INPP5B: variants seen among roughly 807,000 people sequenced by gnomAD.
INPP5B encodes type II inositol 1,4,5-trisphosphate 5-phosphatase.
In INPP5B, 90 loss-of-function variants were observed where a neutral mutation model predicts 118.5. That is an observed-to-expected ratio of 0.76 (90% CI 0.64 to 0.90). The LOEUF (loss-of-function observed/expected upper bound fraction) is 0.90, where lower values mean the gene tolerates loss of function less well. INPP5B is among the 40% of genes least tolerant of loss of function. INPP5B has a pLI of 0.00. For synonymous variants in INPP5B, 385 were observed against 418.9 expected, an observed-to-expected ratio of 0.92 and a Z score of 0.99; for missense variants, 984 against 1,125.6, an observed-to-expected ratio of 0.87 and a Z score of 1.80.
intron 7 of INPP5B, among the ~76,000 whole-genome samples, chr1:37,900,573 T>A (rs908753225): frequency 6.6e-6 from 1 of 151,390 alleles, no homozygotes; most frequent in Non-Finnish European, 1.5e-5. Context: ...CAACTGGAAG[T>A]TTGTCTGGTG....
chr1:37,941,764 C>T (rs1271776036), intron 5 of INPP5B, among the ~76,000 whole-genome samples: 1 of 143,848 alleles, frequency 7.0e-6, no homozygotes, highest in African/African-American at 2.6e-5. Context: ...CGGTGAAACC[C>T]CGTCTCTACT....
chr1:37,946,020 A>T (rs1230873321), intron 2 of INPP5B, among the ~76,000 whole-genome samples, 170 bp from the exon 3 acceptor site: 1 of 152,224 alleles, frequency 6.6e-6, no homozygotes, highest in Non-Finnish European at 1.5e-5. Context: ...AGCCTTCCTT[A>T]TCTATGAAAT....
At chr1:37,879,639 T>A (rs558679408) in intron 15 of INPP5B, among the ~76,000 whole-genome samples, 1 of 152,052 alleles carries the variant, frequency 6.6e-6, no homozygotes, top group East Asian at 1.9e-4. Flanking sequence ...ATGCCTGTAA[T>A]CCTAGCTACT....
At chr1:37,899,039 G>C (rs1644229610) in intron 7 of INPP5B, among the ~76,000 whole-genome samples, 1 of 151,824 alleles carries the variant, frequency 6.6e-6, no homozygotes, top group Non-Finnish European at 1.5e-5. Context: ...AAATTAGCCA[G>C]GTGTGGTGGC....
At chr1:37,924,796 G>A (rs914999328) in intron 7 of INPP5B, among the ~76,000 whole-genome samples, 1 of 152,142 alleles carries the variant, frequency 6.6e-6, no homozygotes, top group African/African-American at 2.4e-5. Flanking sequence ...CAGCACTTTG[G>A]GAGGCCAAGG....
chr1:37,886,273 T>A (rs1254969209), intron 12 of INPP5B, among the ~76,000 whole-genome samples: 1 of 147,880 alleles, frequency 6.8e-6, no homozygotes, highest in African/African-American at 2.5e-5. Flanking sequence ...TTGTACAGAT[T>A]AAAAAAAAAA....
intron 7 of INPP5B, among the ~76,000 whole-genome samples, chr1:37,921,279 T>C (rs1225305367): frequency 6.6e-6 from 1 of 152,126 alleles, no homozygotes; most frequent in Non-Finnish European, 1.5e-5. Flanking sequence ...CATGTAGAGT[T>C]TGGATTTTAC....
At chr1:37,886,143 C>T (rs144331777) in intron 12 of INPP5B, among the ~76,000 whole-genome samples, 2 of 152,062 alleles carry the variant, frequency 1.3e-5, no homozygotes, top group African/African-American at 4.8e-5. Flanking sequence ...CGCCACTGCA[C>T]TCCAGCCTGG....
At chr1:37,887,603 AGCCAAGGAACTAAAT>A (rs1336446873) in intron 10 of INPP5B, 138 bp from the exon 11 acceptor site, 5 of 578,878 alleles carry the variant, frequency 8.6e-6, no homozygotes, top group African/African-American at 1.9e-5. Flanking sequence ...AAACATTTAG[AGCCAAGGAACTAAAT>A]GCCAAGGAAC....
rs544471321 is a variant in INPP5B at position 37,934,562 on chromosome 1, A to G, written c.392-2509T>C. 6.0e-4 allele frequency among the ~76,000 whole-genome samples: 91 copies of G among 152,288 alleles called. 2 individuals are homozygous for G. The South Asian group carries it at 0.014, about 24-fold the overall frequency. On this transcript the variant is annotated intron_variant, in intron 6 of 23. Transcript: ENST00000373024. ...AAAAAACCTAGTTCCTTTTGCCTCT[A>G]GTGCCTCTAGTAAAATGAAAGAGTT...
chr1:37,910,293 G>C (rs1396692271), intron 7 of INPP5B, among the ~76,000 whole-genome samples: 1 of 152,064 alleles, frequency 6.6e-6, no homozygotes, highest in African/African-American at 2.4e-5. Context: ...AACTGTTGTG[G>C]GTATTGACAG....
intron 18 of INPP5B, chr1:37,873,429 C>A: frequency 2.2e-6 from 1 of 460,804 alleles, no homozygotes; most frequent in Non-Finnish European, 3.9e-6. Flanking sequence ...GAGCACAGCT[C>A]AAGCTAGAAA....
At chr1:37,897,741 GATA>G (rs919279754) in intron 7 of INPP5B, among the ~76,000 whole-genome samples, 55 of 149,676 alleles carry the variant, frequency 3.7e-4, no homozygotes, top group Admixed American at 1.5e-3. Flanking sequence ...TAAAAATAAT[GATA>G]ATAATAATAA....
At chr1:37,927,873 A>G (rs1557709359) in intron 7 of INPP5B, among the ~76,000 whole-genome samples, 1 of 152,128 alleles carries the variant, frequency 6.6e-6, no homozygotes, top group Non-Finnish European at 1.5e-5. Context: ...AGCTCAGCCT[A>G]ACACTCCTGA....
At chr1:37,928,863 A>T (rs2148656515) in intron 7 of INPP5B, 1 of 152,176 alleles carries the variant, frequency 6.6e-6, no homozygotes, top group Non-Finnish European at 1.5e-5. Flanking sequence ...TTTTGATCAT[A>T]TGCATATAGG....
intron 3 of INPP5B, among the ~76,000 whole-genome samples, chr1:37,945,382 A>G (rs1283532568): frequency 2.6e-5 from 4 of 152,146 alleles, no homozygotes; most frequent in Non-Finnish European, 5.9e-5. Context: ...GCAGTGAGCC[A>G]AGATCACCCC....
intron 7 of INPP5B, among the ~76,000 whole-genome samples, chr1:37,894,672 C>T (rs1643957857): frequency 6.6e-6 from 1 of 151,814 alleles, no homozygotes; most frequent in South Asian, 2.1e-4. Context: ...AGCTATTCTC[C>T]TGCCTCAGCC....
chr1:37,904,494 G>T (rs952313820), intron 7 of INPP5B, among the ~76,000 whole-genome samples: 2 of 152,048 alleles, frequency 1.3e-5, no homozygotes, highest in Non-Finnish European at 2.9e-5. Flanking sequence ...AGTTAAGAGG[G>T]TATTATTCAG....
chr1:37,909,881 G>A (rs994023568), intron 7 of INPP5B, among the ~76,000 whole-genome samples: 7 of 152,140 alleles, frequency 4.6e-5, no homozygotes, highest in Non-Finnish European at 1.0e-4. Flanking sequence ...CTAAACCTCA[G>A]GGGTCAGGCA....
Sources: allele counts gnomAD v4.1 joint callset (sites outside exome capture counted in the v4.1 genomes callset), GRCh38; gene constraint gnomAD v4.1.1; transcripts MANE v1.5; gene names NCBI Gene and HGNC (gene_info 2026-07-23, HGNC 2026-07-21).